Variants in PTPRT observed in about 807,000 individuals in gnomAD.
The protein encoded by PTPRT is receptor-type tyrosine-protein phosphatase T.
PTPRT carries 56 observed loss-of-function variants against 176.8 expected under a neutral mutation model. The ratio of observed to expected loss-of-function variants is 0.32; its 90% confidence interval spans 0.26 to 0.40. The LOEUF (loss-of-function observed/expected upper bound fraction) is 0.40, where lower values mean the gene tolerates loss of function less well. Ranked by LOEUF, PTPRT falls within the 10% of genes least tolerant of loss-of-function variation. PTPRT has a pLI of 1.00. For synonymous variants in PTPRT, 783 were observed against 739.0 expected, an observed-to-expected ratio of 1.06 and a Z score of -0.96; for missense variants, 1,540 against 1,908.2, an observed-to-expected ratio of 0.81 and a Z score of 3.60.
intron 5 of PTPRT, among the ~76,000 whole-genome samples, chr20:42,761,334 C>T (rs796836634): frequency 5.9e-5 from 9 of 151,460 alleles, no homozygotes; most frequent in Non-Finnish European, 1.0e-4. Context: ...CTCGGGAGGC[C>T]GAGGAAGGAG....
chr20:42,159,628 A>G (rs1175452352), intron 17 of PTPRT, among the ~76,000 whole-genome samples: 2 of 152,120 alleles, frequency 1.3e-5, no homozygotes, highest in Non-Finnish European at 2.9e-5. Context: ...TAATTCGAAT[A>G]TCCTTTCAAG....
intron 2 of PTPRT, among the ~76,000 whole-genome samples, chr20:42,855,250 T>C (rs901406285): frequency 4.4e-4 from 67 of 152,016 alleles, no homozygotes; most frequent in African/African-American, 1.6e-3. Context: ...GAAAATATGG[T>C]GGTTTGCACA....
At chr20:43,054,908 A>G (rs1987178836) in intron 1 of PTPRT, among the ~76,000 whole-genome samples, 1 of 152,238 alleles carries the variant, frequency 6.6e-6, no homozygotes, top group African/African-American at 2.4e-5. Flanking sequence ...AAATAATAGC[A>G]ATATGCGTGA....
chr20:42,867,784 C>T (rs556480293), intron 2 of PTPRT, among the ~76,000 whole-genome samples: 3 of 148,746 alleles, frequency 2.0e-5, no homozygotes, highest in South Asian at 2.1e-4. Flanking sequence ...CAGGTTTAAG[C>T]GATTCTCCTG....
chr20:43,021,597 G>C (rs1465822484), intron 1 of PTPRT, among the ~76,000 whole-genome samples: 1 of 151,990 alleles, frequency 6.6e-6, no homozygotes, highest in African/African-American at 2.4e-5. Flanking sequence ...GCTGGGCTGG[G>C]GTGTCTCAGG....
chr20:42,342,168 T>A (rs2145480091), intron 11 of PTPRT, among the ~76,000 whole-genome samples: 1 of 152,348 alleles, frequency 6.6e-6, no homozygotes, highest in African/African-American at 2.4e-5. Flanking sequence ...ATGTCTTTGG[T>A]GGTACACACA....
intron 1 of PTPRT, among the ~76,000 whole-genome samples, chr20:43,093,297 T>C (rs113809204): frequency 2.0e-5 from 3 of 152,180 alleles, no homozygotes; most frequent in African/African-American, 7.2e-5. Flanking sequence ...CAGGTGGGTG[T>C]CAAATACCCA....
intron 1 of PTPRT, among the ~76,000 whole-genome samples, chr20:43,120,288 T>C (rs1427008148): frequency 6.6e-6 from 1 of 151,946 alleles, no homozygotes; most frequent in Non-Finnish European, 1.5e-5. Flanking sequence ...TTTTTTTTTT[T>C]TTAAATGGAG....
chr20:42,350,824 G>T, intron 10 of PTPRT, 94 bp from the exon 11 acceptor site: 2 of 924,878 alleles, frequency 2.2e-6, no homozygotes, highest in Non-Finnish European at 3.5e-6. Flanking sequence ...ACACAGCATG[G>T]ATAGAGGGAG....
At chr20:42,035,443 A>G in the PTPRT span, among the ~76,000 whole-genome samples, 1 of 152,128 alleles carries the variant, frequency 6.6e-6, no homozygotes, top group Non-Finnish European at 1.5e-5. Context: ...ACCATGGGAA[A>G]GGTAGCATCA....
At chr20:42,417,546 C>T (rs1372427801) in intron 9 of PTPRT, among the ~76,000 whole-genome samples, 2 of 151,148 alleles carry the variant, frequency 1.3e-5, no homozygotes, top group Non-Finnish European at 2.9e-5. Flanking sequence ...GAGTAATCTC[C>T]CTGGAATTTT....
intron 1 of PTPRT, among the ~76,000 whole-genome samples, chr20:43,110,756 T>C (rs914382154): frequency 1.3e-5 from 2 of 151,814 alleles, no homozygotes; most frequent in Non-Finnish European, 2.9e-5. Context: ...GCACTCGGGG[T>C]GAGAAGTGAG....
At chr20:42,311,953 A>T (rs576626289) in intron 12 of PTPRT, among the ~76,000 whole-genome samples, 1 of 152,316 alleles carries the variant, frequency 6.6e-6, no homozygotes, top group East Asian at 1.9e-4. Flanking sequence ...TTTTATTTAC[A>T]TTCATCCATC....
At chr20:42,095,227 A>G (rs1334515726) in intron 27 of PTPRT, among the ~76,000 whole-genome samples, 1 of 152,232 alleles carries the variant, frequency 6.6e-6, no homozygotes, top group African/African-American at 2.4e-5. Context: ...TCAACACAGC[A>G]GCCAGAGGGA....
intron 1 of PTPRT, among the ~76,000 whole-genome samples, chr20:42,920,117 A>G (rs1387450498): frequency 6.6e-6 from 1 of 152,220 alleles, no homozygotes; most frequent in East Asian, 1.9e-4. Flanking sequence ...ATCACTTGCA[A>G]TTTAAGGATG....
At chr20:42,476,246 A>G (rs1383052979) in intron 7 of PTPRT, among the ~76,000 whole-genome samples, 1 of 152,190 alleles carries the variant, frequency 6.6e-6, no homozygotes, top group Non-Finnish European at 1.5e-5. Context: ...GGGCCTCAGT[A>G]TCACTTATGC....
chr20:42,873,750 C>T (rs1186039418), intron 2 of PTPRT, among the ~76,000 whole-genome samples: 2 of 152,038 alleles, frequency 1.3e-5, no homozygotes, highest in South Asian at 4.2e-4. Context: ...TCCAGTACTC[C>T]GTAGCCATGT....
chr20:42,963,115 C>T (rs968596597), intron 1 of PTPRT, among the ~76,000 whole-genome samples: 10 of 152,084 alleles, frequency 6.6e-5, no homozygotes, highest in African/African-American at 1.9e-4. Context: ...AGGAGAATGG[C>T]GTGAACCCGG....
chr20:42,667,587 T>G (rs962446802), intron 7 of PTPRT, among the ~76,000 whole-genome samples: 3 of 152,238 alleles, frequency 2.0e-5, no homozygotes, highest in Admixed American at 6.5e-5. Context: ...CTATCTTTAA[T>G]GCTTCTCTGT....
Sources: allele counts gnomAD v4.1 joint callset (sites outside exome capture counted in the v4.1 genomes callset), GRCh38; gene constraint gnomAD v4.1.1; transcripts MANE v1.5; gene names NCBI Gene and HGNC (gene_info 2026-07-23, HGNC 2026-07-21).